The following SRPX variants were observed in gnomAD, a reference collection of about 807,000 sequenced individuals.
SRPX encodes the protein sushi repeat-containing protein SRPX.
A neutral mutation model predicts 38.1 loss-of-function variants in SRPX; 24 were observed. The ratio of observed to expected loss-of-function variants is 0.63; its 90% confidence interval spans 0.46 to 0.89. The LOEUF (loss-of-function observed/expected upper bound fraction) is 0.89. Ranked by LOEUF, SRPX falls within the 40% of genes least tolerant of loss-of-function variation. The probability of loss-of-function intolerance (pLI) is 0.00; values close to 1 mark genes in which losing one functional copy is unlikely to be tolerated. For missense variants in SRPX, 416 were observed against 377.8 expected, an observed-to-expected ratio of 1.10 and a Z score of -0.84; for synonymous variants, 184 against 153.8, an observed-to-expected ratio of 1.20 and a Z score of -1.45.
intron 1 of SRPX, among the ~76,000 whole-genome samples, chrX:38,185,899 G>A (rs866276472): frequency 0.014 from 1,309 of 91,094 alleles, 37 homozygotes; most frequent in African/African-American, 0.056. Context: ...AAAAAAAAAA[G>A]GGGGGGGGGA....
chrX:38,207,562 G>T (rs1276854417), intron 1 of SRPX, among the ~76,000 whole-genome samples: 1 of 112,298 alleles, frequency 8.9e-6, no homozygotes, highest in Non-Finnish European at 1.9e-5. Flanking sequence ...CCTCTATAGA[G>T]GTCAAATGGG....
chrX:38,192,004 T>C (rs1246582087), intron 1 of SRPX, among the ~76,000 whole-genome samples: 1 of 111,946 alleles, frequency 8.9e-6, no homozygotes, highest in African/African-American at 3.2e-5. Flanking sequence ...CTGATCCTCA[T>C]GGGGAAACCT....
chrX:38,204,511 G>A (rs1294347434), intron 1 of SRPX, among the ~76,000 whole-genome samples: 3 of 112,049 alleles, frequency 2.7e-5, no homozygotes, highest in Non-Finnish European at 3.8e-5. Flanking sequence ...GTAAAAAGTC[G>A]TTTTTAAAAA....
intron 7 of SRPX, among the ~76,000 whole-genome samples, chrX:38,159,701 T>C (rs956604591): frequency 8.9e-6 from 1 of 112,804 alleles, no homozygotes; most frequent in African/African-American, 3.2e-5. Flanking sequence ...ATAAATAAGA[T>C]CCTTACATTT....
At chrX:38,209,899 T>G (rs187410528) in intron 1 of SRPX, among the ~76,000 whole-genome samples, 2 of 111,314 alleles carry the variant, frequency 1.8e-5, no homozygotes, top group African/African-American at 3.3e-5. Flanking sequence ...AAGGTTGGGG[T>G]TTTTTTTCTT....
intron 1 of SRPX, among the ~76,000 whole-genome samples, chrX:38,211,042 C>T (rs923402974): frequency 1.8e-5 from 2 of 112,178 alleles, no homozygotes; most frequent in Non-Finnish European, 3.8e-5. Context: ...CATATGGACT[C>T]TGTCACAACT....
Position 38,178,353 on chromosome X carries a change from A to G in SRPX, c.98-9T>C, listed in dbSNP as rs775878924. 2.5e-6 allele frequency: 3 copies of G among 1,205,286 alleles called. No individual in the cohort carries two copies. The highest frequency in any genetic ancestry group is 5.9e-5 in the East Asian group (2 of 33,809). ...TGGTGAGTCTCCCGATCCTACAATA[A>G]AAAAGAACAGAAACTGCAGCAAGAA... is the stretch of plus-strand genomic sequence containing the variant. On this transcript the variant is annotated splice_polypyrimidine_tract_variant and intron_variant, in intron 1 of 9. Coordinates refer to ENST00000378533, the MANE Select transcript of SRPX (RefSeq NM_006307.5).
chrX:38,164,249 T>A (rs1938320746), intron 5 of SRPX, among the ~76,000 whole-genome samples: 1 of 110,418 alleles, frequency 9.1e-6, no homozygotes, highest in Non-Finnish European at 1.9e-5. Context: ...TTCAAGCGAT[T>A]CTCATGCCTC....
At chrX:38,166,621 C>T (rs760295572) in intron 4 of SRPX, among the ~76,000 whole-genome samples, 1 of 112,048 alleles carries the variant, frequency 8.9e-6, no homozygotes, top group East Asian at 2.8e-4. Flanking sequence ...AGAAGACAAA[C>T]TTTTATAATT....
Position 38,174,047 on chromosome X carries a change from G to C in SRPX, c.349+113C>G, listed in dbSNP as rs1230677269. On this transcript the variant is annotated intron_variant, in intron 3 of 9. Transcript: ENST00000378533. ...CTTAGAATCCCCCTGGTGTCCCCCT[G>C]ATCATAAGGAGAATTTTTCTCATCA... 1.2e-5 allele frequency: 7 copies of C among 599,706 alleles called. No individual in the cohort carries two copies. The East Asian group carries it at 2.5e-4, about 21-fold the overall frequency. The allele number at this position is 599,706 out of a possible 1,213,427, so 49.4% of individuals were successfully genotyped here. A position where few individuals can be genotyped will look rare whatever the true frequency, so the allele number is the denominator to read the frequency against.
chrX:38,208,990 A>G (rs1051173044), intron 1 of SRPX, among the ~76,000 whole-genome samples: 4 of 50,237 alleles, frequency 8.0e-5, no homozygotes, highest in Non-Finnish European at 2.8e-4. Context: ...CTCAGCCTAT[A>G]TATATATATA....
At chrX:38,170,665 C>T (rs1159888006) in intron 4 of SRPX, among the ~76,000 whole-genome samples, 1 of 111,934 alleles carries the variant, frequency 8.9e-6, no homozygotes, top group Non-Finnish European at 1.9e-5. Flanking sequence ...TTCTCTCTTC[C>T]TCTGGGAAGG....
At chrX:38,161,602 C>CA (rs1481815427) in intron 5 of SRPX, among the ~76,000 whole-genome samples, 2 of 111,716 alleles carry the variant, frequency 1.8e-5, no homozygotes, top group Non-Finnish European at 3.8e-5. Context: ...ATAATAATGA[C>CA]AAAAAGTGTT....
intron 1 of SRPX, among the ~76,000 whole-genome samples, chrX:38,199,861 G>A (rs1204134542): frequency 8.9e-6 from 1 of 111,772 alleles, no homozygotes; most frequent in Non-Finnish European, 1.9e-5. Context: ...GTTTTTATGA[G>A]TTAATGATGA....
At chrX:38,220,234 C>G (rs190728384) in intron 1 of SRPX, among the ~76,000 whole-genome samples, 2 of 113,698 alleles carry the variant, frequency 1.8e-5, no homozygotes, top group Non-Finnish European at 3.7e-5. Context: ...TACCGTGGCT[C>G]GTGTCCTGCG....
intron 7 of SRPX, among the ~76,000 whole-genome samples, chrX:38,157,248 T>C (rs899689881): frequency 2.7e-5 from 3 of 111,608 alleles, no homozygotes; most frequent in Admixed American, 9.5e-5. Flanking sequence ...ACCATAAACT[T>C]AGTGACTTAA....
intron 2 of SRPX, among the ~76,000 whole-genome samples, chrX:38,176,181 G>A (rs898384846): frequency 9.0e-6 from 1 of 110,993 alleles, no homozygotes; most frequent in South Asian, 3.8e-4. Flanking sequence ...TTGGGGCTGC[G>A]GTTGACTGAA....
intron 4 of SRPX, among the ~76,000 whole-genome samples, chrX:38,167,223 T>C (rs1450388386): frequency 8.9e-6 from 1 of 112,041 alleles, no homozygotes; most frequent in Non-Finnish European, 1.9e-5. Flanking sequence ...GATTTTTAAA[T>C]GCCATTACAT....
In SRPX at chrX:38,202,596, T is replaced by A. The variant is rs1218463349; in HGVS notation, c.97+18100A>T. ...AACCAAAAGCTGTTTTTTGAAAATA[T>A]TCATATCATTGACAAAACTCAAGCA... On this transcript the variant is annotated intron_variant, in intron 1 of 9. Transcript: ENST00000378533. 3.6e-5 allele frequency among the ~76,000 whole-genome samples: 4 copies of A among 111,857 alleles called. No homozygotes were observed. In the Admixed American group the frequency reaches 3.8e-4, roughly 11 times the overall value.
Sources: gnomAD v4.1 joint callset for allele counts (sites outside exome capture counted in the v4.1 genomes callset) on GRCh38, gnomAD v4.1.1 for gene constraint, MANE v1.5 for transcripts, NCBI Gene and HGNC (gene_info 2026-07-23, HGNC 2026-07-21) for gene names.